Variants in ZNF184 observed in about 807,000 individuals in gnomAD.
The protein encoded by ZNF184 is zinc finger protein 184.
In ZNF184, 16 loss-of-function variants were observed where a neutral mutation model predicts 54.4. That is an observed-to-expected ratio of 0.29 (90% CI 0.20 to 0.45). The LOEUF is 0.45. Ranked by LOEUF, ZNF184 falls within the 20% of genes least tolerant of loss-of-function variation. The probability of loss-of-function intolerance (pLI) is 1.00; values close to 1 mark genes in which losing one functional copy is unlikely to be tolerated. For missense variants in ZNF184, 681 were observed against 888.2 expected (o/e 0.77, Z 2.97); for synonymous variants, 254 against 295.3 (o/e 0.86, Z 1.43).
At chr6:27,444,296 A>C in the ZNF184 span, among the ~76,000 whole-genome samples, 1 of 152,070 alleles carries the variant, frequency 6.6e-6, no homozygotes, top group Non-Finnish European at 1.5e-5. Flanking sequence ...CTCCTATTTT[A>C]ACCACCATAT....
chr6:27,445,112 A>T, the ZNF184 span, among the ~76,000 whole-genome samples: 1 of 152,230 alleles, frequency 6.6e-6, no homozygotes, highest in Non-Finnish European at 1.5e-5. Context: ...GTTTATACCC[A>T]ACAGAAATGA....
the ZNF184 span, among the ~76,000 whole-genome samples, chr6:27,424,863 G>A: frequency 1.3e-5 from 2 of 152,218 alleles, no homozygotes; most frequent in African/African-American, 4.8e-5. Context: ...GGGACTGGGC[G>A]CCGTGGAACA....
rs1171950506 is a variant in ZNF184, at chr6:27,472,550, G to C, written c.-139-117C>G. 4 of 496,074 alleles carry C rather than the reference G, an allele frequency of 8.1e-6. No individual in the cohort carries two copies. The highest frequency in any genetic ancestry group is 1.1e-5 in the Non-Finnish European group (3 of 273,830). 30.7% of individuals were successfully genotyped at this position (496,074 alleles called of 1,614,324 possible). A position where few individuals can be genotyped will look rare whatever the true frequency, so the allele number is the denominator to read the frequency against. Reference sequence around the variant, plus strand: ...TGCCCCAAGAGAGCACTAGAGAGGTGTGTGGCACTCCGATGAACAAAACAG... The same window carrying C: ...TGCCCCAAGAGAGCACTAGAGAGGTCTGTGGCACTCCGATGAACAAAACAG... On this transcript the variant is annotated intron_variant, in intron 1 of 5. Coordinates refer to ENST00000683788, the MANE Select transcript of ZNF184 (RefSeq NM_001318891.2). The surrounding 1 kb of genome is among the most constrained non-coding windows in gnomAD (Gnocchi z 4.8).
the ZNF184 span, among the ~76,000 whole-genome samples, chr6:27,425,855 T>C: frequency 6.6e-6 from 1 of 152,172 alleles, no homozygotes; most frequent in Non-Finnish European, 1.5e-5. Context: ...CAGAACACCG[T>C]TTCTATCTTC....
At chr6:27,416,484 C>T in the ZNF184 span, among the ~76,000 whole-genome samples, 2 of 152,168 alleles carry the variant, frequency 1.3e-5, no homozygotes, top group Non-Finnish European at 2.9e-5. Flanking sequence ...TGGAACAAGC[C>T]TACTGCCCAC....
chr6:27,470,405 G>C (rs932908599), intron 2 of ZNF184, among the ~76,000 whole-genome samples: 1 of 152,142 alleles, frequency 6.6e-6, no homozygotes, highest in Admixed American at 6.5e-5. Flanking sequence ...GTTTCATTTT[G>C]TAAAAAATGT....
downstream of ZNF184, among the ~76,000 whole-genome samples, chr6:27,448,410 G>C (rs6456787): frequency 0.96 from 146,722 of 152,296 alleles, 70,836 homozygotes; most frequent in East Asian, 1. Context: ...TACTCTTAAC[G>C]CTTTATAATT....
At chr6:27,471,680 G>C (rs1226266379) in intron 2 of ZNF184, among the ~76,000 whole-genome samples, 4 of 151,962 alleles carry the variant, frequency 2.6e-5, no homozygotes, top group Non-Finnish European at 1.5e-5. Flanking sequence ...GCTTAGAAAA[G>C]AATTTATGAG....
chr6:27,425,973 T>C, the ZNF184 span, among the ~76,000 whole-genome samples: 1 of 152,222 alleles, frequency 6.6e-6, no homozygotes, highest in Non-Finnish European at 1.5e-5. Flanking sequence ...AGATTGCCTC[T>C]ACCAATTTCA....
chr6:27,454,106 G>A (rs1243270215), intron 5 of ZNF184, among the ~76,000 whole-genome samples: 2 of 152,128 alleles, frequency 1.3e-5, no homozygotes, highest in Non-Finnish European at 2.9e-5. Flanking sequence ...TACATAATCA[G>A]GAAGTAAACT....
chr6:27,448,926 T>C (rs1201975827), downstream of ZNF184, among the ~76,000 whole-genome samples: 1 of 152,218 alleles, frequency 6.6e-6, no homozygotes, highest in Non-Finnish European at 1.5e-5. Context: ...TACAACTTTC[T>C]TTATAATAGG....
downstream of ZNF184, among the ~76,000 whole-genome samples, chr6:27,445,931 A>G (rs544622268): frequency 3.6e-4 from 55 of 152,318 alleles, no homozygotes; most frequent in African/African-American, 1.3e-3. Context: ...AGAAATATCT[A>G]TGCAGCAAAG....
the ZNF184 span, among the ~76,000 whole-genome samples, chr6:27,419,424 T>A: frequency 6.6e-6 from 1 of 152,182 alleles, no homozygotes; most frequent in Non-Finnish European, 1.5e-5. The surrounding 1 kb of genome is among the most constrained non-coding windows in gnomAD (Gnocchi z 4.8). Context: ...ACCACTTTTT[T>A]AGAGATATTC....
intron 5 of ZNF184, among the ~76,000 whole-genome samples, chr6:27,456,130 C>T (rs763866018): frequency 2.0e-5 from 3 of 151,906 alleles, no homozygotes; most frequent in Non-Finnish European, 2.9e-5. Context: ...TGGTGGCGTG[C>T]ACCTGTAGTT....
At chr6:27,466,298 C>T (rs1251179510) in intron 3 of ZNF184, among the ~76,000 whole-genome samples, 1 of 152,178 alleles carries the variant, frequency 6.6e-6, no homozygotes, top group African/African-American at 2.4e-5. Context: ...AGAATGCTGT[C>T]CTGACAACCT....
chr6:27,452,936 C>G lies in ZNF184; in HGVS notation c.623G>C (p.Ser208Thr), dbSNP rs1425592770. Reference sequence around the variant, plus strand: ...AACTGGGTTTGAATTCTGTTTGATGCTTCTTTTAGTAGAGGTCTCTTCTGG... The same window carrying G: ...AACTGGGTTTGAATTCTGTTTGATGGTTCTTTTAGTAGAGGTCTCTTCTGG... ...PSPEETSTKR[S>T]IKQNSNPVKK... The change falls in exon 6 of 6, where the codon AGC (serine) becomes ACC (threonine). Residue 208 changes from serine (S) to threonine (T), a missense_variant. Coordinates refer to ENST00000683788, the MANE Select transcript of ZNF184 (RefSeq NM_001318891.2). The surrounding 1 kb of genome is among the most constrained non-coding windows in gnomAD (Gnocchi z 5.5). The G allele has an allele frequency of 6.2e-7, 1 of 1,614,146 alleles. No individual in the cohort carries two copies. Among genetic ancestry groups the G allele is most frequent in the Admixed American group, 1.7e-5 (1 of 60,026 alleles).
the ZNF184 span, among the ~76,000 whole-genome samples, chr6:27,441,862 C>A: frequency 1.3e-5 from 2 of 152,158 alleles, no homozygotes; most frequent in East Asian, 3.9e-4. Flanking sequence ...ATTATGAAGA[C>A]TGAAATACTT....
At chr6:27,413,196 T>C in the ZNF184 span, among the ~76,000 whole-genome samples, 1 of 152,164 alleles carries the variant, frequency 6.6e-6, no homozygotes, top group Non-Finnish European at 1.5e-5. Context: ...AGGTGGAGGT[T>C]GTCGTGAGCC....
chr6:27,438,577 C>G, the ZNF184 span, among the ~76,000 whole-genome samples: 1 of 152,166 alleles, frequency 6.6e-6, no homozygotes, highest in Non-Finnish European at 1.5e-5. Context: ...AAAGTAATCT[C>G]TTCTAGGCAT....
Sources: allele counts gnomAD v4.1 joint callset (sites outside exome capture counted in the v4.1 genomes callset), GRCh38; gene constraint gnomAD v4.1.1; non-coding constraint Gnocchi (gnomAD v3.1); transcripts MANE v1.5; gene names NCBI Gene and HGNC (gene_info 2026-07-23, HGNC 2026-07-21).